Variants in LIPE observed in about 807,000 individuals in gnomAD.
LIPE encodes the protein lipase E, hormone sensitive type, also known as hormone-sensitive lipase.
In LIPE, 66 loss-of-function variants were observed where a neutral mutation model predicts 88.5. The ratio of observed to expected loss-of-function variants is 0.75; its 90% CI spans 0.61 to 0.91. The LOEUF is 0.91. Ranked by LOEUF, LIPE falls within the 40% of genes least tolerant of loss-of-function variation. The pLI, the probability that LIPE is intolerant of heterozygous loss-of-function variation, is 0.00. For missense variants in LIPE, 1,346 were observed against 1,434.7 expected (o/e 0.94, Z 1.00); for synonymous variants, 570 against 617.5 (o/e 0.92, Z 1.14).
rs1463676100 is a variant in LIPE at position 42,408,276 on chromosome 19, A to G, written c.1466T>C (p.Leu489Pro). Reference protein sequence around the residue: ...RPFLQTISIGLVSFGEHYKRN... With the variant: ...RPFLQTISIGPVSFGEHYKRN... ...TTTGTAGTGCTCCCCGAAGGACACC[A>G]GCCCAATGGAGATGGTCTGCAGGAA... The change falls in exon 3 of 10, where the codon CTG becomes CCG. Residue 489 changes from leucine to proline, a missense_variant. By Grantham distance (98) the Leu-to-Pro change is moderately conservative (BLOSUM62 -3). Transcript: ENST00000244289. This position sits in a 1 kb window ranked among gnomAD's most constrained non-coding sequence, Gnocchi z 4.3. 1 of 1,614,150 alleles carries G rather than the reference A, an allele frequency of 6.2e-7. No homozygotes were observed.
At chr19:42,419,709 G>T (rs985201161) in intron 1 of LIPE, among the ~76,000 whole-genome samples, 3 of 140,948 alleles carry the variant, frequency 2.1e-5, no homozygotes, top group African/African-American at 7.7e-5. Context: ...GGTGGGGGTG[G>T]ATGGGGGATG....
intron 8 of LIPE, among the ~76,000 whole-genome samples, chr19:42,403,364 T>C (rs1818065159): frequency 6.6e-6 from 1 of 151,030 alleles, no homozygotes; most frequent in Non-Finnish European, 1.5e-5. Flanking sequence ...ATGAAAATAG[T>C]CCTTGGTTCA....
At chr19:42,425,290 A>T (rs1411601676) in intron 1 of LIPE, 2 of 152,680 alleles carry the variant, frequency 1.3e-5, no homozygotes, top group Non-Finnish European at 2.9e-5. Context: ...CTGTGGATGG[A>T]TGAATGAACA....
At chr19:42,413,874 G>A (rs2040434827) in intron 1 of LIPE, among the ~76,000 whole-genome samples, 1 of 152,186 alleles carries the variant, frequency 6.6e-6, no homozygotes, top group Admixed American at 6.5e-5. Flanking sequence ...GAAGCAGAGC[G>A]AGGGCAGAGG....
chr19:42,422,581 G>C (rs1348317780), intron 1 of LIPE, among the ~76,000 whole-genome samples: 1 of 152,176 alleles, frequency 6.6e-6, no homozygotes, highest in Non-Finnish European at 1.5e-5. Flanking sequence ...CTGAGGGGTG[G>C]TGTTAGTTTC....
chr19:42,415,828 G>A (rs548296511), intron 1 of LIPE, among the ~76,000 whole-genome samples: 9 of 151,000 alleles, frequency 6.0e-5, no homozygotes, highest in Non-Finnish European at 1.3e-4. Context: ...AAAAAAAAGT[G>A]AACTAGGCTT....
At position 42,427,179 on chromosome 19, in the gene LIPE, T is replaced by C; in HGVS notation, c.-30A>G. 1.3e-6 allele frequency: 2 copies of C among 1,552,768 alleles called. No homozygotes were observed. Among genetic ancestry groups the C allele is most frequent in the South Asian group, 2.5e-5 (2 of 80,640 alleles). ...ATTTCCCTCACGGGAGATATTGATC[T>C]TCCAGGTTCTATCCTTCTGGGCTCC... is the stretch of plus-strand genomic sequence containing the variant. On this transcript the variant is annotated 5_prime_UTR_variant, in exon 1 of 10. Transcript: ENST00000244289.
rs1271206674 is a variant in LIPE at position 42,406,110 on chromosome 19, G to C, written c.2365+51C>G. On this transcript the variant is annotated intron_variant, in intron 7 of 9. Coordinates refer to ENST00000244289, the MANE Select transcript of LIPE (RefSeq NM_005357.4). This position sits in a 1 kb window ranked among gnomAD's most constrained non-coding sequence, Gnocchi z 5.7. ...CCTGGTCCCCAGCCCGTCCCTGCAG[G>C]AGTCAGACATCCATGCAGTCCTGTT... is the stretch of plus-strand genomic sequence containing the variant. 2 of 1,495,916 alleles carry C rather than the reference G, an allele frequency of 1.3e-6. No homozygotes were observed. The highest frequency in any genetic ancestry group is 1.8e-6 in the Non-Finnish European group (2 of 1,088,072). The allele number at this position is 1,495,916 out of a possible 1,614,324, so 92.7% of individuals were successfully genotyped here.
At position 42,402,705 on chromosome 19, in the gene LIPE, T is replaced by A; in HGVS notation, c.2869A>T (p.Met957Leu). 6.5e-7 allele frequency: 1 copy of A among 1,534,574 alleles called. No homozygotes were observed. The highest frequency in any genetic ancestry group is 8.8e-7 in the Non-Finnish European group (1 of 1,137,302). ...PRRSSQGATQ[M>L]PLYSSPIVKN... is the part of the protein sequence containing the mutation. ...ACTATGGGTGAGGAGTAGAGGGGCATCTGTGTGGCACCCTGGCTGGAGCGT... is the reference window on the plus strand; with the variant it reads ...ACTATGGGTGAGGAGTAGAGGGGCAACTGTGTGGCACCCTGGCTGGAGCGT... The change falls in exon 9 of 10, where the codon ATG becomes TTG. Residue 957 changes from methionine (M) to leucine (L), a missense_variant. Met to Leu is a conservative substitution (Grantham distance 15). Coordinates refer to ENST00000244289, the MANE Select transcript of LIPE (RefSeq NM_005357.4).
In LIPE at chr19:42,410,272, T is replaced by G. The variant is rs750970455; in HGVS notation, c.1419+35A>C. On this transcript the variant is annotated intron_variant, in intron 2 of 9. Transcript: ENST00000244289. The surrounding 1 kb of genome is among the most constrained non-coding windows in gnomAD (Gnocchi z 6.1). ...GCCAGGGGCCACCAGGTGCCTTCATTGTGGGCCCAGAGGGGCACGGGGCAG... is the reference window on the plus strand; with the variant it reads ...GCCAGGGGCCACCAGGTGCCTTCATGGTGGGCCCAGAGGGGCACGGGGCAG... 7.1e-5 allele frequency: 108 copies of G among 1,521,130 alleles called. No individual in the cohort carries two copies. Among genetic ancestry groups the G allele is most frequent in the Admixed American group, 1.2e-4 (6 of 48,880 alleles). 94.2% of individuals were successfully genotyped at this position (1,521,130 alleles called of 1,614,324 possible). A position where few individuals can be genotyped will look rare whatever the true frequency, so the allele number is the denominator to read the frequency against.
chr19:42,427,242 C>G lies in LIPE; in HGVS notation c.-93G>C. 1 of 1,460,530 alleles carries G rather than the reference C, an allele frequency of 6.8e-7. No individual in the cohort carries two copies. The highest frequency in any genetic ancestry group is 2.4e-5 in the East Asian group (1 of 41,346). 90.5% of individuals were successfully genotyped at this position (1,460,530 alleles called of 1,614,324 possible). On this transcript the variant is annotated 5_prime_UTR_variant, in exon 1 of 10. Transcript: ENST00000244289. ...TCTCTTCACAGATCTCTCATTGATT[C>G]CTCATGATGGCACTTCCTCTTGGGT...
At chr19:42,420,324 G>A (rs1290142720) in intron 1 of LIPE, among the ~76,000 whole-genome samples, 1 of 152,072 alleles carries the variant, frequency 6.6e-6, no homozygotes, top group Non-Finnish European at 1.5e-5. Flanking sequence ...ATGTACCTCT[G>A]CAGGTATGTG....
chr19:42,421,342 C>A (rs1255026857), intron 1 of LIPE, among the ~76,000 whole-genome samples: 1 of 152,204 alleles, frequency 6.6e-6, no homozygotes, highest in African/African-American at 2.4e-5. Context: ...CCCTGCCTGC[C>A]CCCTGCACAG....
At chr19:42,423,370 A>G in intron 1 of LIPE, 1 of 1,261,520 alleles carries the variant, frequency 7.9e-7, no homozygotes, top group Non-Finnish European at 1.0e-6. Flanking sequence ...ACTGCCCCGT[A>G]GGATGTACGA....
At chr19:42,419,169 T>C (rs539876270) in intron 1 of LIPE, among the ~76,000 whole-genome samples, 5 of 152,178 alleles carry the variant, frequency 3.3e-5, no homozygotes, top group African/African-American at 1.2e-4. Flanking sequence ...TCCCAGCTAC[T>C]CGGGAGGCTG....
intron 1 of LIPE, chr19:42,424,967 T>C: frequency 3.5e-6 from 1 of 287,516 alleles, no homozygotes; most frequent in Non-Finnish European, 6.8e-6. Context: ...TCCCCCAACT[T>C]TCCTGCCGTC....
In LIPE at chr19:42,402,710, G is replaced by C. The variant is rs1161465813; in HGVS notation, c.2864C>G (p.Thr955Arg). 6.5e-7 allele frequency: 1 copy of C among 1,546,402 alleles called. No individual in the cohort carries two copies. Among genetic ancestry groups the C allele is most frequent in the Admixed American group, 1.9e-5 (1 of 52,758 alleles). Residue 955 changes from threonine (T) to arginine (R), a missense_variant, in exon 9 of 10, where the codon ACA becomes AGA. Thr to Arg is a moderately conservative substitution (Grantham distance 71). Coordinates refer to ENST00000244289, the MANE Select transcript of LIPE (RefSeq NM_005357.4). Reference sequence around the variant, plus strand: ...GGGTGAGGAGTAGAGGGGCATCTGTGTGGCACCCTGGCTGGAGCGTCGGGG... The same window carrying C: ...GGGTGAGGAGTAGAGGGGCATCTGTCTGGCACCCTGGCTGGAGCGTCGGGG... ...FHPRRSSQGA[T>R]QMPLYSSPIV...
In LIPE at chr19:42,414,843, C is replaced by T. The variant is rs1451735451; in HGVS notation, c.884-4001G>A. ...CACCAACCATGTCCACGTAAGAGGGCGAACTTTACCGATTAATGCTGTGTG... is the reference window on the plus strand; with the variant it reads ...CACCAACCATGTCCACGTAAGAGGGTGAACTTTACCGATTAATGCTGTGTG... On this transcript the variant is annotated intron_variant, in intron 1 of 9. Coordinates refer to ENST00000244289, the MANE Select transcript of LIPE (RefSeq NM_005357.4). The surrounding 1 kb of genome is among the most constrained non-coding windows in gnomAD (Gnocchi z 4.6). Among the ~76,000 whole-genome samples, 3 of 152,200 alleles carry T rather than the reference C, an allele frequency of 2.0e-5. No individual in the cohort carries two copies. The highest frequency in any genetic ancestry group is 7.2e-5 in the African/African-American group (3 of 41,440).
chr19:42,407,689 C>T lies in LIPE; in HGVS notation c.1759G>A (p.Val587Ile), dbSNP rs2040232601. The T allele has an allele frequency of 1.9e-6, 3 of 1,600,802 alleles. No individual in the cohort carries two copies. The highest frequency in any genetic ancestry group is 1.7e-6 in the Non-Finnish European group (2 of 1,174,048). The change falls in exon 5 of 10, where the codon GTC (valine) becomes ATC (isoleucine). Residue 587 changes from valine (V) to isoleucine (I), a missense_variant. Transcript: ENST00000244289. This position sits in a 1 kb window ranked among gnomAD's most constrained non-coding sequence, Gnocchi z 5.8. ...MPLTADPTLT[V>I]TISPPLAHTG... ...TGGGCCAGTGGGGGTGAGATGGTGA[C>T]CGTGAGCGTGGGGTCGGCAGTCAGT...
Sources: gnomAD v4.1 joint callset for allele counts (sites outside exome capture counted in the v4.1 genomes callset) on GRCh38, gnomAD v4.1.1 for gene constraint, Gnocchi (gnomAD v3.1) non-coding constraint, MANE v1.5 for transcripts, NCBI Gene and HGNC (gene_info 2026-07-23, HGNC 2026-07-21) for gene names.